The following STK3 variants were observed in gnomAD, a reference collection of about 807,000 sequenced individuals.
STK3 encodes the protein serine/threonine kinase 3.
Under a neutral mutation model 58.0 loss-of-function variants are expected in STK3, and 41 were observed. The observed-to-expected ratio is 0.71, with a 90% confidence interval of 0.55 to 0.92. The LOEUF (loss-of-function observed/expected upper bound fraction) is 0.92. Among genes scored for constraint, STK3 ranks in the 40% least tolerant of loss-of-function variants. The pLI is 0.00. For synonymous variants in STK3, 170 were observed against 191.0 expected (o/e 0.89, Z 0.91); for missense variants, 479 against 602.7 (o/e 0.79, Z 2.15).
rs186311437 is a variant in STK3 at position 98,489,888 on chromosome 8, T to C, written c.1318-33888A>G. The stretch of plus-strand genomic sequence containing the variant: ...CCTCTAAGTGAACTTTAGAAACACA[T>C]TGTCAGGTTTGGCAAAAAGAAAAAA... On this transcript the variant is annotated intron_variant, in intron 10 of 10. Transcript: ENST00000419617. Among the ~76,000 whole-genome samples the C allele has an allele frequency of 1.1e-3, 165 of 152,280 alleles. 2 individuals are homozygous for C. Among genetic ancestry groups the C allele is most frequent in the Admixed American group, 3.5e-3 (53 of 15,298 alleles).
At chr8:98,687,108 C>T (rs1824057597) in intron 6 of STK3, among the ~76,000 whole-genome samples, 1 of 152,156 alleles carries the variant, frequency 6.6e-6, no homozygotes, top group African/African-American at 2.4e-5. Context: ...CACAAAATGA[C>T]TATTCCCAGG....
At chr8:98,456,479 A>G (rs1381294742) in intron 10 of STK3, among the ~76,000 whole-genome samples, 1 of 152,210 alleles carries the variant, frequency 6.6e-6, no homozygotes, top group East Asian at 1.9e-4. Flanking sequence ...CATTTTACTA[A>G]ATGCTTAATA....
chr8:98,531,124 G>A (rs1826142452), intron 9 of STK3, among the ~76,000 whole-genome samples: 4 of 152,264 alleles, frequency 2.6e-5, no homozygotes, highest in South Asian at 4.1e-4. Context: ...AATCACAAAT[G>A]TTCTTAATAA....
At chr8:98,673,724 C>T (rs774835061) in intron 6 of STK3, among the ~76,000 whole-genome samples, 3 of 151,980 alleles carry the variant, frequency 2.0e-5, no homozygotes, top group Non-Finnish European at 4.4e-5. Flanking sequence ...CTGAACTGTT[C>T]ACTTTAGAAT....
chr8:98,710,202 C>A (rs1826287196), intron 4 of STK3, among the ~76,000 whole-genome samples: 1 of 152,118 alleles, frequency 6.6e-6, no homozygotes, highest in Non-Finnish European at 1.5e-5. Context: ...CAGTCTAAAG[C>A]TCCCAGCGTG....
At chr8:98,372,343 A>G (rs757778358) in intron 2 of STK3, among the ~76,000 whole-genome samples, 3 of 152,194 alleles carry the variant, frequency 2.0e-5, no homozygotes, top group Non-Finnish European at 2.9e-5. Flanking sequence ...GGCAGCCTCC[A>G]AGTTCCAGAG....
chr8:98,670,907 G>A (rs148576731), intron 6 of STK3, among the ~76,000 whole-genome samples: 8 of 152,244 alleles, frequency 5.3e-5, no homozygotes, highest in African/African-American at 1.4e-4. Flanking sequence ...ACAAGAACTC[G>A]GGACCCACTG....
At chr8:98,571,495 C>T (rs1410401062) in intron 8 of STK3, among the ~76,000 whole-genome samples, 1 of 152,148 alleles carries the variant, frequency 6.6e-6, no homozygotes, top group Non-Finnish European at 1.5e-5. Context: ...TCCCCACACC[C>T]ATGCTGAGAA....
At chr8:98,728,623 T>G (rs1472841318) in intron 4 of STK3, among the ~76,000 whole-genome samples, 4 of 152,280 alleles carry the variant, frequency 2.6e-5, no homozygotes. Flanking sequence ...AAAAGATTCC[T>G]GAAAAAGAGA....
intron 6 of STK3, among the ~76,000 whole-genome samples, chr8:98,640,170 C>G (rs920758827): frequency 1.9e-4 from 29 of 152,092 alleles, no homozygotes; most frequent in African/African-American, 6.3e-4. Context: ...TCTCCCACCT[C>G]AGTCTCCCAA....
chr8:98,697,553 TTG>T (rs1218673333), intron 6 of STK3, among the ~76,000 whole-genome samples: 1 of 152,204 alleles, frequency 6.6e-6, no homozygotes, highest in Non-Finnish European at 1.5e-5. Context: ...TTCTTGTATA[TTG>T]TGTCTTTGCT....
intron 1 of STK3, among the ~76,000 whole-genome samples, chr8:98,891,440 T>A (rs1181757844): frequency 6.6e-6 from 1 of 152,264 alleles, no homozygotes; most frequent in Non-Finnish European, 1.5e-5. Flanking sequence ...TTATAAAACA[T>A]ATTTAATGAT....
At chr8:98,487,174 C>T (rs1039594935) in intron 10 of STK3, among the ~76,000 whole-genome samples, 2 of 152,022 alleles carry the variant, frequency 1.3e-5, no homozygotes, top group African/African-American at 2.4e-5. Flanking sequence ...GTCTGAGTCT[C>T]ATAAGTTCAC....
chr8:98,864,345 A>T (rs1369998091), intron 3 of STK3, among the ~76,000 whole-genome samples: 3 of 152,102 alleles, frequency 2.0e-5, no homozygotes, highest in African/African-American at 7.2e-5. Flanking sequence ...TATAAAAAGC[A>T]CACCATGGGG....
chr8:98,584,460 G>C (rs1814284897), intron 7 of STK3, among the ~76,000 whole-genome samples: 1 of 151,554 alleles, frequency 6.6e-6, no homozygotes, highest in Non-Finnish European at 1.5e-5. Flanking sequence ...AGTATTCCAT[G>C]GCATATATGT....
chr8:98,665,789 C>T (rs899271037), intron 6 of STK3, among the ~76,000 whole-genome samples: 31 of 151,604 alleles, frequency 2.0e-4, no homozygotes, highest in Admixed American at 1.6e-3. Context: ...CTGCAAGCTC[C>T]GCCTCCTGGG....
At chr8:98,374,459 A>G (rs1362336706) in intron 2 of STK3, among the ~76,000 whole-genome samples, 1 of 152,274 alleles carries the variant, frequency 6.6e-6, no homozygotes, top group Non-Finnish European at 1.5e-5. Context: ...TAAGCCAGGC[A>G]GTCTGAAACA....
intron 3 of STK3, among the ~76,000 whole-genome samples, chr8:98,868,114 C>A (rs1414783126): frequency 6.6e-6 from 1 of 152,182 alleles, no homozygotes; most frequent in Non-Finnish European, 1.5e-5. Context: ...CGAAAGGGAA[C>A]AAGTGCCAAC....
chr8:98,518,124 G>A (rs1825075822), intron 10 of STK3, among the ~76,000 whole-genome samples: 1 of 151,966 alleles, frequency 6.6e-6, no homozygotes, highest in East Asian at 1.9e-4. Flanking sequence ...TTTGCCATGT[G>A]CTTTAAACAT....
Sources: gnomAD v4.1 joint callset for allele counts (sites outside exome capture counted in the v4.1 genomes callset) on GRCh38, gnomAD v4.1.1 for gene constraint, MANE v1.5 for transcripts, NCBI Gene and HGNC (gene_info 2026-07-23, HGNC 2026-07-21) for gene names.